The following PPP3CC variants were observed in gnomAD, a reference collection of about 807,000 sequenced individuals.
The protein encoded by PPP3CC is serine/threonine-protein phosphatase 2B catalytic subunit gamma isoform.
PPP3CC carries 35 observed loss-of-function variants against 60.3 expected under a neutral mutation model. The observed-to-expected ratio is 0.58, with a 90% CI of 0.44 to 0.77. The LOEUF is 0.77. PPP3CC is among the 30% of genes least tolerant of loss of function. PPP3CC has a pLI of 0.00. For synonymous variants in PPP3CC, 206 were observed against 224.3 expected (o/e 0.92, Z 0.73); for missense variants, 570 against 628.9 (o/e 0.91, Z 1.00).
intron 6 of PPP3CC, among the ~76,000 whole-genome samples, chr8:22,516,698 G>A (rs1273929437): frequency 6.6e-6 from 1 of 152,140 alleles, no homozygotes; most frequent in African/African-American, 2.4e-5. Flanking sequence ...TTGTAAACAG[G>A]CATTCTTTTG....
intron 1 of PPP3CC, among the ~76,000 whole-genome samples, chr8:22,473,062 T>G (rs1837778149): frequency 6.6e-6 from 1 of 152,204 alleles, no homozygotes; most frequent in African/African-American, 2.4e-5. Context: ...GTAGTTAAAA[T>G]GAGTCAAGTA....
At chr8:22,529,037 A>G (rs1283439015) in intron 10 of PPP3CC, among the ~76,000 whole-genome samples, 6 of 152,246 alleles carry the variant, frequency 3.9e-5, no homozygotes, top group African/African-American at 1.4e-4. Flanking sequence ...AATATTTATT[A>G]CATGCTTGAT....
At chr8:22,511,363 C>G in intron 5 of PPP3CC, 132 bp downstream of exon 5, 1 of 962,034 alleles carries the variant, frequency 1.0e-6, no homozygotes, top group Non-Finnish European at 1.5e-6. Flanking sequence ...TATCTCAGCT[C>G]ACTGCAACCT....
At chr8:22,477,392 A>G (rs13277146) in intron 3 of PPP3CC, among the ~76,000 whole-genome samples, 135,748 of 151,752 alleles carry the variant, frequency 0.89, 60,844 homozygotes, top group South Asian at 0.96. Context: ...CAGGATAATC[A>G]CTTGAACCTG....
intron 1 of PPP3CC, among the ~76,000 whole-genome samples, chr8:22,449,554 A>G (rs1204704249): frequency 6.6e-6 from 1 of 151,902 alleles, no homozygotes; most frequent in African/African-American, 2.4e-5. Flanking sequence ...TTAATGGGGG[A>G]AAGCTGAAAA....
chr8:22,534,145 G>A (rs1182939536), intron 12 of PPP3CC, among the ~76,000 whole-genome samples: 1 of 141,894 alleles, frequency 7.0e-6, no homozygotes, highest in Non-Finnish European at 1.5e-5. Flanking sequence ...GTTGCAGCGA[G>A]CCAAGATCAC....
intron 8 of PPP3CC, chr8:22,523,849 G>A (rs2469768): frequency 0.47 from 94,796 of 201,436 alleles, 22,751 homozygotes; most frequent in East Asian, 0.55. Flanking sequence ...TGCTGATACA[G>A]TGGCTCTGGA....
At position 22,441,308 on chromosome 8, in the gene PPP3CC, T is replaced by C. The variant is rs1836658608; in HGVS notation, c.-102T>C. 1.7e-6 allele frequency: 2 copies of C among 1,210,382 alleles called. No homozygotes were observed. The highest frequency in any genetic ancestry group is 3.3e-5 in the African/African-American group (2 of 61,180). 75.0% of individuals were successfully genotyped at this position (1,210,382 alleles called of 1,614,324 possible). On this transcript the variant is annotated 5_prime_UTR_variant, in exon 1 of 14. Transcript: ENST00000240139. Reference sequence around the variant, plus strand: ...GGAGCCGGGGCCGGGCACGGCTGGCTGACGGCTCCGGGCAGCTAAGGCTGC... The same window carrying C: ...GGAGCCGGGGCCGGGCACGGCTGGCCGACGGCTCCGGGCAGCTAAGGCTGC...
intron 1 of PPP3CC, among the ~76,000 whole-genome samples, chr8:22,453,122 T>C (rs1837085857): frequency 1.3e-5 from 2 of 152,186 alleles, no homozygotes; most frequent in African/African-American, 4.8e-5. Context: ...TTGCCACAGG[T>C]GTAAAATGGG....
intron 3 of PPP3CC, among the ~76,000 whole-genome samples, chr8:22,488,818 C>A (rs529483967): frequency 6.6e-6 from 1 of 152,190 alleles, no homozygotes; most frequent in African/African-American, 2.4e-5. Flanking sequence ...AGGGGAACTA[C>A]ATTCCAGGCA....
At chr8:22,455,710 G>C (rs547776904) in intron 1 of PPP3CC, among the ~76,000 whole-genome samples, 1 of 152,156 alleles carries the variant, frequency 6.6e-6, no homozygotes, top group East Asian at 1.9e-4. Flanking sequence ...AGGAGGGCCA[G>C]TTTTTAGCTA....
At position 22,494,276 on chromosome 8, in the gene PPP3CC, T is replaced by C. The variant is rs567163270; in HGVS notation, c.373-3725T>C. Reference sequence around the variant, plus strand: ...GGAGACAAAAGGCAAAAGGTACTTCTTACATGGCGGTGGCAAGAATGAGGA... The same window carrying C: ...GGAGACAAAAGGCAAAAGGTACTTCCTACATGGCGGTGGCAAGAATGAGGA... On this transcript the variant is annotated intron_variant, in intron 3 of 13. Coordinates refer to ENST00000240139, the MANE Select transcript of PPP3CC (RefSeq NM_005605.5). Among the ~76,000 whole-genome samples, 8 of 152,240 alleles carry C rather than the reference T, an allele frequency of 5.3e-5. No homozygotes were observed. The East Asian group carries it at 1.3e-3, about 26-fold the overall frequency.
intron 4 of PPP3CC, among the ~76,000 whole-genome samples, chr8:22,508,253 T>TA (rs1355635170): frequency 3.3e-5 from 5 of 152,054 alleles, no homozygotes; most frequent in Non-Finnish European, 7.4e-5. Context: ...ATCCTGTCTC[T>TA]AAAAAAATTT....
rs1420599012 is a variant in PPP3CC at position 22,513,471 on chromosome 8, CTG to C, written c.770+41_770+42del. 3.3e-6 allele frequency: 5 copies of C among 1,538,054 alleles called. No individual in the cohort carries two copies. In the African/African-American group the frequency reaches 5.6e-5, roughly 17 times the overall value. On this transcript the variant is annotated intron_variant, in intron 6 of 13. Transcript: ENST00000240139. ...TGAGGTCGAAAATTATGAAAGGAAACTGTAATTCATTTTATCAGATGATTTTT... is the reference window on the plus strand; with the variant it reads ...TGAGGTCGAAAATTATGAAAGGAAACTAATTCATTTTATCAGATGATTTTT...
rs763332487 is a variant in PPP3CC at position 22,506,713 on chromosome 8, G to A, written c.485-4373G>A. Among the ~76,000 whole-genome samples the A allele has an allele frequency of 9.2e-5, 14 of 151,772 alleles. No individual in the cohort carries two copies. In the South Asian group the frequency reaches 1.7e-3, roughly 18 times the overall value. On this transcript the variant is annotated intron_variant, in intron 4 of 13. Transcript: ENST00000240139. ...TCCCAGCACTTTGGGAGGCCGAGGC[G>A]GGCAGATCACAAGGCCAGGAGATTG...
At chr8:22,527,935 T>G (rs1348230759) in intron 9 of PPP3CC, among the ~76,000 whole-genome samples, 2 of 152,146 alleles carry the variant, frequency 1.3e-5, no homozygotes, top group Non-Finnish European at 2.9e-5. Context: ...GTGCCCAGCC[T>G]CTACATAGAT....
chr8:22,486,163 C>T (rs1403015814), intron 3 of PPP3CC, among the ~76,000 whole-genome samples: 1 of 152,124 alleles, frequency 6.6e-6, no homozygotes, highest in Non-Finnish European at 1.5e-5. Flanking sequence ...TTCACCATTC[C>T]TCTACTGTTG....
chr8:22,512,893 A>G (rs901913913), intron 5 of PPP3CC, among the ~76,000 whole-genome samples: 4 of 152,156 alleles, frequency 2.6e-5, no homozygotes, highest in Non-Finnish European at 5.9e-5. Context: ...CCTGACCAAC[A>G]TGGAGAAACC....
chr8:22,473,664 A>G (rs1174033362), intron 1 of PPP3CC, among the ~76,000 whole-genome samples: 1 of 152,014 alleles, frequency 6.6e-6, no homozygotes, highest in Admixed American at 6.6e-5. Flanking sequence ...GGGTTTCACC[A>G]TGTTGGCCAG....
Sources: allele counts gnomAD v4.1 joint callset (sites outside exome capture counted in the v4.1 genomes callset), GRCh38; gene constraint gnomAD v4.1.1; transcripts MANE v1.5; gene names NCBI Gene and HGNC (gene_info 2026-07-23, HGNC 2026-07-21).